PRTG: variants seen among roughly 807,000 people sequenced by gnomAD.
The protein encoded by PRTG is immunoglobulin superfamily, DCC subclass, member 5.
In PRTG, 67 loss-of-function variants were observed where a neutral mutation model predicts 122.5. The ratio of observed to expected loss-of-function variants is 0.55; its 90% confidence interval spans 0.45 to 0.67. The LOEUF (loss-of-function observed/expected upper bound fraction) is 0.67. Among genes scored for constraint, PRTG ranks in the 30% least tolerant of loss-of-function variants. PRTG has a pLI of 0.00. For missense variants in PRTG, 1,435 were observed against 1,415.4 expected (o/e 1.01, Z -0.22); for synonymous variants, 554 against 501.1 (o/e 1.11, Z -1.41).
intron 2 of PRTG, among the ~76,000 whole-genome samples, chr15:55,713,298 T>C (rs189390374): frequency 2.4e-4 from 36 of 152,336 alleles, no homozygotes; most frequent in African/African-American, 8.7e-4. Context: ...TATATATAAA[T>C]CTAGTTAATC....
chr15:55,677,754 T>C (rs763388248), intron 8 of PRTG, 43 bp downstream of exon 8: 3 of 1,588,620 alleles, frequency 1.9e-6, no homozygotes, highest in South Asian at 2.2e-5. Flanking sequence ...AAATCCTTGA[T>C]AGCAAGGAGT....
At chr15:55,734,748 TAA>T (rs11310425) in intron 2 of PRTG, among the ~76,000 whole-genome samples, 10 of 151,910 alleles carry the variant, frequency 6.6e-5, no homozygotes, top group African/African-American at 2.2e-4. Context: ...AACCAGAGGT[TAA>T]AAAAAAACAC....
intron 11 of PRTG, among the ~76,000 whole-genome samples, chr15:55,648,117 A>G (rs948261466): frequency 6.6e-6 from 1 of 152,352 alleles, no homozygotes; most frequent in African/African-American, 2.4e-5. Flanking sequence ...AATGCTTTGG[A>G]AAACAATAAA....
chr15:55,627,980 G>A (rs1386667495), intron 16 of PRTG, among the ~76,000 whole-genome samples: 1 of 152,086 alleles, frequency 6.6e-6, no homozygotes, highest in East Asian at 1.9e-4. Flanking sequence ...TACTTTGAGT[G>A]GCAAGGTATT....
At chr15:55,652,867 A>T (rs1245549497) in intron 11 of PRTG, among the ~76,000 whole-genome samples, 1 of 152,148 alleles carries the variant, frequency 6.6e-6, no homozygotes, top group Non-Finnish European at 1.5e-5. Context: ...TCTTTGTCTC[A>T]TATCGTCAAA....
intron 15 of PRTG, among the ~76,000 whole-genome samples, chr15:55,636,765 GCC>G: frequency 6.6e-6 from 1 of 151,906 alleles, no homozygotes; most frequent in African/African-American, 2.4e-5. Context: ...TCCTGCCTCA[GCC>G]TCCTAAGTAG....
chr15:55,683,420 G>C (rs1343353067), intron 3 of PRTG, among the ~76,000 whole-genome samples: 4 of 152,100 alleles, frequency 2.6e-5, no homozygotes, highest in Non-Finnish European at 5.9e-5. Context: ...AGAGACAGGA[G>C]TGGGCAGCTA....
intron 2 of PRTG, among the ~76,000 whole-genome samples, chr15:55,695,050 G>GTC (rs2059624874): frequency 6.6e-6 from 1 of 152,060 alleles, no homozygotes; most frequent in Non-Finnish European, 1.5e-5. Flanking sequence ...CACAATAAAT[G>GTC]TAAGTGCCTA....
chr15:55,646,871 C>T (rs2059327258), intron 11 of PRTG, among the ~76,000 whole-genome samples: 1 of 152,170 alleles, frequency 6.6e-6, no homozygotes, highest in South Asian at 2.1e-4. Flanking sequence ...CAAAAATGAA[C>T]ATCTTCCTGA....
intron 11 of PRTG, among the ~76,000 whole-genome samples, chr15:55,659,377 CTT>C (rs2059397105): frequency 6.6e-6 from 1 of 152,144 alleles, no homozygotes; most frequent in Non-Finnish European, 1.5e-5. Flanking sequence ...TACACCATCC[CTT>C]CTTTCACTAT....
rs2059184805 is a variant in PRTG at position 55,624,567 on chromosome 15, C to T, written c.2928-60G>A. 4.9e-6 allele frequency: 7 copies of T among 1,431,264 alleles called. No individual in the cohort carries two copies. The South Asian group carries it at 1.0e-4, about 20-fold the overall frequency. The allele number at this position is 1,431,264 out of a possible 1,614,324, so 88.7% of individuals were successfully genotyped here. A position where few individuals can be genotyped will look rare whatever the true frequency, so the allele number is the denominator to read the frequency against. ...TTCATAGAAGATGCAGGCAAATGAACCACCTGGCCTATCAACAAAACTTTG... is the reference window on the plus strand; with the variant it reads ...TTCATAGAAGATGCAGGCAAATGAATCACCTGGCCTATCAACAAAACTTTG... On this transcript the variant is annotated intron_variant, in intron 17 of 19. Transcript: ENST00000389286.
At chr15:55,642,618 G>T in intron 11 of PRTG, among the ~76,000 whole-genome samples, 1 of 135,672 alleles carries the variant, frequency 7.4e-6, no homozygotes, top group African/African-American at 2.7e-5. Flanking sequence ...AAAAAAAAAG[G>T]ATACAACTCA....
intron 16 of PRTG, among the ~76,000 whole-genome samples, chr15:55,627,393 A>G (rs950927768): frequency 2.1e-5 from 3 of 145,630 alleles, no homozygotes; most frequent in South Asian, 2.2e-4. Context: ...GCGCAATCTC[A>G]GCTCACTGCA....
At chr15:55,656,307 ATG>A (rs1396454981) in intron 11 of PRTG, 1 of 453,152 alleles carries the variant, frequency 2.2e-6, no homozygotes, top group South Asian at 1.6e-5. Context: ...GTTTTGTGGA[ATG>A]TCTCACAATC....
At position 55,648,510 on chromosome 15, in the gene PRTG, G is replaced by A. The variant is rs149303931; in HGVS notation, c.2042-7302C>T. Reference sequence around the variant, plus strand: ...AACAAAAAACCCCATGCCTTCGTCCGGCATTTTACTTGAAAAACTTGCATT... The same window carrying A: ...AACAAAAAACCCCATGCCTTCGTCCAGCATTTTACTTGAAAAACTTGCATT... On this transcript the variant is annotated intron_variant, in intron 11 of 19. Coordinates refer to ENST00000389286, the MANE Select transcript of PRTG (RefSeq NM_173814.6). Among the ~76,000 whole-genome samples, 29 of 152,168 alleles carry A rather than the reference G, an allele frequency of 1.9e-4. No homozygotes were observed. The East Asian group carries it at 5.2e-3, about 27-fold the overall frequency.
chr15:55,633,580 T>C (rs1003870363), intron 15 of PRTG, among the ~76,000 whole-genome samples: 2 of 152,192 alleles, frequency 1.3e-5, no homozygotes. Flanking sequence ...ATAAACCTAA[T>C]GAGAAACTGA....
At chr15:55,719,983 T>G (rs2030750787) in intron 2 of PRTG, among the ~76,000 whole-genome samples, 1 of 151,976 alleles carries the variant, frequency 6.6e-6, no homozygotes, top group African/African-American at 2.4e-5. Flanking sequence ...CTGCTTGAAC[T>G]GGGAGGCAGA....
intron 2 of PRTG, chr15:55,702,895 C>A (rs751590809): frequency 4.1e-6 from 4 of 985,130 alleles, no homozygotes; most frequent in Non-Finnish European, 4.8e-6. Flanking sequence ...GGGGACAGAC[C>A]TTTTACAGGC....
At chr15:55,740,767 T>C (rs1464472013) in intron 1 of PRTG, 83 bp from the exon 2 acceptor site, 1 of 1,200,710 alleles carries the variant, frequency 8.3e-7, no homozygotes, top group Non-Finnish European at 1.2e-6. Context: ...AAAACACATA[T>C]TCAGGGTATG....
Sources: allele counts gnomAD v4.1 joint callset (sites outside exome capture counted in the v4.1 genomes callset), GRCh38; gene constraint gnomAD v4.1.1; transcripts MANE v1.5; gene names NCBI Gene and HGNC (gene_info 2026-07-23, HGNC 2026-07-21).